FSAF1: variants seen among roughly 807,000 people sequenced by gnomAD.
The protein encoded by FSAF1 is uncharacterized protein C1orf131.
At chr1:231,238,595 C>A in the FSAF1 span, 1 of 334,890 alleles carries the variant, frequency 3.0e-6, no homozygotes, top group Non-Finnish European at 5.5e-6. Context: ...CAAGTTTTCC[C>A]AGACAGTTTA....
At chr1:231,227,719 G>C in the FSAF1 span, among the ~76,000 whole-genome samples, 12 of 151,140 alleles carry the variant, frequency 7.9e-5, no homozygotes, top group African/African-American at 2.9e-4. Context: ...CTCCCGAGTA[G>C]CTGGGACTAC....
chr1:231,232,107 C>G, the FSAF1 span, among the ~76,000 whole-genome samples: 1 of 152,144 alleles, frequency 6.6e-6, no homozygotes, highest in Admixed American at 6.5e-5. Flanking sequence ...TGACCCACCA[C>G]TGTCTAATTT....
chr1:231,239,099 C>T, the FSAF1 span: 1 of 1,613,960 alleles, frequency 6.2e-7, no homozygotes, highest in South Asian at 1.1e-5. Flanking sequence ...GATGGCTCTG[C>T]TGCCAAGGCC....
At chr1:231,226,515 TA>T in the FSAF1 span, 1 of 589,778 alleles carries the variant, frequency 1.7e-6, no homozygotes. Flanking sequence ...AAAAACGGAC[TA>T]AGACAAGGAG....
At chr1:231,235,402 G>A in the FSAF1 span, among the ~76,000 whole-genome samples, 1 of 151,976 alleles carries the variant, frequency 6.6e-6, no homozygotes, top group Middle Eastern at 3.4e-3. Flanking sequence ...GAGGCTGAGG[G>A]AGGAGAATCG....
At chr1:231,225,548 T>C in the FSAF1 span, 3 of 1,591,434 alleles carry the variant, frequency 1.9e-6, no homozygotes, top group Middle Eastern at 1.7e-4. Flanking sequence ...TAAGATCATA[T>C]ACATATTAGT....
At chr1:231,233,698 G>A in the FSAF1 span, among the ~76,000 whole-genome samples, 8 of 152,032 alleles carry the variant, frequency 5.3e-5, no homozygotes, top group Non-Finnish European at 8.8e-5. Context: ...AACTACAGGC[G>A]CATGCCACCA....
At chr1:231,238,882 G>A in the FSAF1 span, 106 of 1,613,400 alleles carry the variant, frequency 6.6e-5, no homozygotes, top group East Asian at 2.2e-4. Context: ...ATGATCTGGC[G>A]TCAATTTTCT....
the FSAF1 span, chr1:231,238,766 A>C: frequency 7.9e-7 from 1 of 1,271,440 alleles, no homozygotes; most frequent in Non-Finnish European, 1.1e-6. Context: ...GAGGATAGTC[A>C]GGCATTCCTG....
chr1:231,235,503 A>T, the FSAF1 span, among the ~76,000 whole-genome samples: 1 of 152,022 alleles, frequency 6.6e-6, no homozygotes, highest in Non-Finnish European at 1.5e-5. Context: ...CTCAAAAAAA[A>T]AAAAAGGGAC....
the FSAF1 span, among the ~76,000 whole-genome samples, chr1:231,230,992 G>A: frequency 6.6e-6 from 1 of 152,212 alleles, no homozygotes; most frequent in African/African-American, 2.4e-5. Flanking sequence ...CCGTGGGCTT[G>A]GGGTGCTGAT....
At chr1:231,233,158 G>C in the FSAF1 span, among the ~76,000 whole-genome samples, 1 of 152,186 alleles carries the variant, frequency 6.6e-6, no homozygotes, top group Non-Finnish European at 1.5e-5. Flanking sequence ...TTTGGGGAAC[G>C]ATCAAAGCTA....
chr1:231,226,634 TG>T, the FSAF1 span: 1 of 1,026,902 alleles, frequency 9.7e-7, no homozygotes, highest in Non-Finnish European at 1.5e-6. Flanking sequence ...CCTTTAACTC[TG>T]GTGCCTTCAT....
At chr1:231,226,247 A>G in the FSAF1 span, 1 of 175,044 alleles carries the variant, frequency 5.7e-6, no homozygotes, top group Non-Finnish European at 1.2e-5. Context: ...CCCACTTCCC[A>G]TGAGAGCTGT....
chr1:231,223,850 CA>C, the FSAF1 span: 2 of 153,606 alleles, frequency 1.3e-5, no homozygotes, highest in Non-Finnish European at 2.9e-5. Flanking sequence ...TGCTTTTCCA[CA>C]AAACTGATAA....
the FSAF1 span, chr1:231,229,197 T>G: frequency 1.3e-6 from 2 of 1,583,106 alleles, no homozygotes; most frequent in Non-Finnish European, 1.7e-6. Context: ...TCCAAAACAC[T>G]AGGATTAGCC....
the FSAF1 span, among the ~76,000 whole-genome samples, chr1:231,231,084 C>T: frequency 2.8e-4 from 43 of 152,312 alleles, no homozygotes; most frequent in African/African-American, 6.5e-4. Context: ...TCACAACAGA[C>T]GCACTTTCCA....
the FSAF1 span, among the ~76,000 whole-genome samples, chr1:231,234,814 A>G: frequency 6.6e-6 from 1 of 152,228 alleles, no homozygotes; most frequent in Middle Eastern, 3.4e-3. The surrounding 1 kb of genome is among the most constrained non-coding windows in gnomAD (Gnocchi z 4.0). Flanking sequence ...AGCTCCTTGA[A>G]CACACCAGGC....
chr1:231,240,433 C>T, the FSAF1 span, among the ~76,000 whole-genome samples: 3 of 152,258 alleles, frequency 2.0e-5, no homozygotes, highest in South Asian at 6.2e-4. This position sits in a 1 kb window ranked among gnomAD's most constrained non-coding sequence, Gnocchi z 4.1. Flanking sequence ...GTATGAGGCA[C>T]TGTCTTCCTA....
Sources: gnomAD v4.1 joint callset for allele counts (sites outside exome capture counted in the v4.1 genomes callset) on GRCh38, gnomAD v4.1.1 for gene constraint, Gnocchi (gnomAD v3.1) non-coding constraint, MANE v1.5 for transcripts, NCBI Gene and HGNC (gene_info 2026-07-23, HGNC 2026-07-21) for gene names.